The following DNER variants were observed in gnomAD, a reference collection of about 807,000 sequenced individuals.
The protein encoded by DNER is delta/notch like EGF repeat containing.
Under a neutral mutation model 78.2 loss-of-function variants are expected in DNER, and 33 were observed. The ratio of observed to expected loss-of-function variants is 0.42; its 90% CI spans 0.32 to 0.56. The LOEUF (loss-of-function observed/expected upper bound fraction) is 0.56, where lower values mean the gene tolerates loss of function less well. Among genes scored for constraint, DNER ranks in the 20% least tolerant of loss-of-function variants. The pLI is 0.11. For synonymous variants in DNER, 417 were observed against 384.8 expected (o/e 1.08, Z -0.98); for missense variants, 918 against 975.3 (o/e 0.94, Z 0.78).
At chr2:229,603,315 T>C (rs1184921245) in intron 1 of DNER, among the ~76,000 whole-genome samples, 1 of 152,120 alleles carries the variant, frequency 6.6e-6, no homozygotes, top group African/African-American at 2.4e-5. Context: ...TAATATTAAA[T>C]GACGAGTTAA....
chr2:229,527,135 G>A (rs560115593), intron 5 of DNER, among the ~76,000 whole-genome samples: 50 of 152,292 alleles, frequency 3.3e-4, no homozygotes, highest in South Asian at 1.5e-3. Context: ...TGAGGCTGTC[G>A]TTCACGTCAT....
chr2:229,375,928 G>A (rs528554456), intron 11 of DNER, among the ~76,000 whole-genome samples: 6 of 152,224 alleles, frequency 3.9e-5, no homozygotes, highest in East Asian at 3.9e-4. Flanking sequence ...TCATGGGGGC[G>A]GGTCCCCCAT....
At chr2:229,579,559 T>G (rs1697355878) in intron 4 of DNER, among the ~76,000 whole-genome samples, 1 of 152,146 alleles carries the variant, frequency 6.6e-6, no homozygotes, top group Non-Finnish European at 1.5e-5. Flanking sequence ...CTCTACAATT[T>G]TTAGGGACTC....
At chr2:229,553,681 C>A (rs1696792381) in intron 4 of DNER, among the ~76,000 whole-genome samples, 1 of 152,196 alleles carries the variant, frequency 6.6e-6, no homozygotes, top group South Asian at 2.1e-4. Flanking sequence ...TTGTGAAAAG[C>A]CGCAGGTTCC....
chr2:229,619,019 C>T (rs1698211168), intron 1 of DNER, among the ~76,000 whole-genome samples: 1 of 152,100 alleles, frequency 6.6e-6, no homozygotes, highest in Admixed American at 6.5e-5. Flanking sequence ...TAGCTGGGCA[C>T]AATGACTATA....
At chr2:229,409,767 C>T (rs555624148) in intron 9 of DNER, among the ~76,000 whole-genome samples, 1 of 152,256 alleles carries the variant, frequency 6.6e-6, no homozygotes, top group African/African-American at 2.4e-5. Context: ...AGCTAATCTT[C>T]ACAGAAACCT....
At chr2:229,557,504 C>A (rs1027759219) in intron 4 of DNER, among the ~76,000 whole-genome samples, 3 of 152,138 alleles carry the variant, frequency 2.0e-5, no homozygotes, top group African/African-American at 4.8e-5. Flanking sequence ...TTTGTCAACA[C>A]CTGCATTCCC....
At chr2:229,633,129 T>C (rs1482748102) in intron 1 of DNER, among the ~76,000 whole-genome samples, 2 of 152,122 alleles carry the variant, frequency 1.3e-5, no homozygotes, top group African/African-American at 4.8e-5. Flanking sequence ...AATCTATAAG[T>C]TCAAAGCTGA....
In DNER at chr2:229,366,914, G is replaced by A. The variant is rs1369500901; in HGVS notation, c.2061C>T (p.Asp687=). The change falls in exon 12 of 13, where the codon GAC becomes GAT. Residue 687 remains aspartate (D), a synonymous_variant. Coordinates refer to ENST00000341772, the MANE Select transcript of DNER (RefSeq NM_139072.4). ...YEEFYNCRSI[D]SEFSNAIASI... ...ATGCAATGGCATTGCTGAACTCGCTGTCGATGCTGCGGCAGTTGTAGAACT... is the reference window on the plus strand; with the variant it reads ...ATGCAATGGCATTGCTGAACTCGCTATCGATGCTGCGGCAGTTGTAGAACT... The A allele has an allele frequency of 3.1e-6, 5 of 1,614,210 alleles. No individual in the cohort carries two copies. The highest frequency in any genetic ancestry group is 2.2e-5 in the South Asian group (2 of 91,084).
chr2:229,674,326 T>C (rs987522559), intron 1 of DNER, among the ~76,000 whole-genome samples: 2 of 152,240 alleles, frequency 1.3e-5, no homozygotes, highest in African/African-American at 4.8e-5. Context: ...TCACCCAGGC[T>C]GGAGTGCAGT....
intron 7 of DNER, among the ~76,000 whole-genome samples, chr2:229,463,283 G>T (rs1694739700): frequency 6.6e-6 from 1 of 151,044 alleles, no homozygotes; most frequent in Admixed American, 6.6e-5. Context: ...TATTCCAACA[G>T]ATTTGCAACA....
intron 4 of DNER, among the ~76,000 whole-genome samples, chr2:229,578,728 C>A (rs1277560826): frequency 6.6e-6 from 1 of 152,182 alleles, no homozygotes; most frequent in Non-Finnish European, 1.5e-5. Context: ...ATGAGGTACC[C>A]CAGCTCCAGT....
intron 6 of DNER, among the ~76,000 whole-genome samples, chr2:229,502,792 C>T (rs1047997066): frequency 6.6e-6 from 1 of 152,180 alleles, no homozygotes; most frequent in Non-Finnish European, 1.5e-5. Flanking sequence ...GTAACTGAAA[C>T]AATGGTTGCC....
At chr2:229,522,162 C>T (rs1005396038) in intron 5 of DNER, among the ~76,000 whole-genome samples, 1 of 152,160 alleles carries the variant, frequency 6.6e-6, no homozygotes, top group Admixed American at 6.5e-5. Flanking sequence ...GAGAGTCCTG[C>T]TCTTTCCTTC....
chr2:229,530,009 A>C (rs1696273987), intron 5 of DNER, among the ~76,000 whole-genome samples: 1 of 151,980 alleles, frequency 6.6e-6, no homozygotes, highest in South Asian at 2.1e-4. Context: ...GTCTTTAAAA[A>C]AAAAATGAAG....
At chr2:229,649,087 C>T (rs558319397) in intron 1 of DNER, among the ~76,000 whole-genome samples, 15 of 152,228 alleles carry the variant, frequency 9.9e-5, no homozygotes, top group East Asian at 5.8e-4. Flanking sequence ...GTAACAGAGA[C>T]GAGGAGAGAG....
chr2:229,676,619 A>T (rs1398397247), intron 1 of DNER, among the ~76,000 whole-genome samples: 1 of 152,142 alleles, frequency 6.6e-6, no homozygotes, highest in Non-Finnish European at 1.5e-5. Context: ...CACTTCAACA[A>T]GGTCCTCCTC....
At position 229,651,079 on chromosome 2, in the gene DNER, C is replaced by A. The variant is rs1228373586; in HGVS notation, c.277-59191G>T. ...CAGGCCATTCAGCCTCGCTCTAATT[C>A]GAGTTGAGTCAAGTGATGAGAGGAC... is the stretch of plus-strand genomic sequence containing the variant. On this transcript the variant is annotated intron_variant, in intron 1 of 12. Coordinates refer to ENST00000341772, the MANE Select transcript of DNER (RefSeq NM_139072.4). Among the ~76,000 whole-genome samples, 7 of 152,142 alleles carry A rather than the reference C, an allele frequency of 4.6e-5. No individual in the cohort carries two copies. The East Asian group carries it at 1.4e-3, about 29-fold the overall frequency.
At chr2:229,384,165 G>C (rs1329837350) in intron 11 of DNER, among the ~76,000 whole-genome samples, 1 of 152,154 alleles carries the variant, frequency 6.6e-6, no homozygotes, top group East Asian at 1.9e-4. Flanking sequence ...TGACTACTGG[G>C]TAAATAACGA....
Sources: gnomAD v4.1 joint callset for allele counts (sites outside exome capture counted in the v4.1 genomes callset) on GRCh38, gnomAD v4.1.1 for gene constraint, MANE v1.5 for transcripts, NCBI Gene and HGNC (gene_info 2026-07-23, HGNC 2026-07-21) for gene names.